The following EXOC6 variants were observed in gnomAD, a reference collection of about 807,000 sequenced individuals.
The protein encoded by EXOC6 is SEC15-like 1.
Under a neutral mutation model 112.5 loss-of-function variants are expected in EXOC6, and 60 were observed. The observed-to-expected ratio is 0.53, with a 90% CI of 0.43 to 0.66. EXOC6 has a LOEUF of 0.66. Among genes scored for constraint, EXOC6 ranks in the 30% least tolerant of loss-of-function variants. The probability of loss-of-function intolerance (pLI) is 0.00; values close to 1 mark genes in which losing one functional copy is unlikely to be tolerated. For missense variants in EXOC6, 855 were observed against 957.1 expected, an observed-to-expected ratio of 0.89 and a Z score of 1.41; for synonymous variants, 295 against 308.0, an observed-to-expected ratio of 0.96 and a Z score of 0.44.
Position 92,894,827 on chromosome 10 carries a change from G to A in EXOC6, c.307G>A (p.Asp103Asn). 6.2e-7 allele frequency: 1 copy of A among 1,613,542 alleles called. No homozygotes were observed. Among genetic ancestry groups the A allele is most frequent in the Non-Finnish European group, 8.5e-7 (1 of 1,179,686 alleles). The change falls in exon 3 of 22, where the codon GAT (aspartate) becomes AAT (asparagine). Residue 103 changes from aspartate (D) to asparagine (N), a missense_variant. Asp to Asn is a conservative substitution (Grantham distance 23, BLOSUM62 1). Coordinates refer to ENST00000260762, the MANE Select transcript of EXOC6 (RefSeq NM_019053.6). ...QVTDTNRRFQ[D>N]AGKEVIVHTE... ...TACTGATACCAACCGAAGGTTTCAA[G>A]ATGCTGGAAAAGAGGTGAGAAAATG...
intron 17 of EXOC6, among the ~76,000 whole-genome samples, chr10:92,970,606 T>G (rs1842257130): frequency 6.6e-6 from 1 of 152,192 alleles, no homozygotes; most frequent in Non-Finnish European, 1.5e-5. Flanking sequence ...AACATTAACT[T>G]AAATATCTGT....
intron 19 of EXOC6, among the ~76,000 whole-genome samples, chr10:93,002,856 A>C (rs1335133889): frequency 2.0e-5 from 3 of 152,212 alleles, no homozygotes; most frequent in Non-Finnish European, 4.4e-5. Context: ...ATTGACTCAT[A>C]GTGATCACTT....
intron 5 of EXOC6, among the ~76,000 whole-genome samples, chr10:92,903,022 G>A (rs1850258484): frequency 1.3e-5 from 2 of 151,842 alleles, no homozygotes; most frequent in Admixed American, 1.3e-4. Flanking sequence ...TTTTTTATAG[G>A]GATATGTTTA....
chr10:92,854,010 A>G (rs76577169), intron 1 of EXOC6, among the ~76,000 whole-genome samples: 1 of 148,624 alleles, frequency 6.7e-6, no homozygotes, highest in African/African-American at 2.4e-5. Context: ...CCTGTCTCAA[A>G]AAAAAAAAAA....
chr10:92,928,295 T>C (rs764125584), intron 8 of EXOC6, 44 bp from the exon 9 acceptor site: 11 of 1,049,700 alleles, frequency 1.0e-5, no homozygotes, highest in Non-Finnish European at 1.6e-5. Context: ...TAGTTGTATG[T>C]GTGTGTATGT....
At chr10:92,863,858 T>G (rs1336897869) in intron 1 of EXOC6, among the ~76,000 whole-genome samples, 1 of 144,692 alleles carries the variant, frequency 6.9e-6, no homozygotes, top group African/African-American at 2.6e-5. Context: ...GAGCTTGCAG[T>G]GAGTCTATAT....
At chr10:92,895,301 C>CT (rs67921640) in intron 4 of EXOC6, among the ~76,000 whole-genome samples, 31,358 of 152,032 alleles carry the variant, frequency 0.21, 3,887 homozygotes, top group East Asian at 0.61. Context: ...CCCCATAACC[C>CT]TTTTTTGTTT....
chr10:92,915,720 GT>G, intron 6 of EXOC6, 37 bp from the exon 7 acceptor site: 1 of 1,446,166 alleles, frequency 6.9e-7, no homozygotes, highest in Non-Finnish European at 9.1e-7. Context: ...ACCATAATCA[GT>G]TTTGAAATAA....
At chr10:92,860,661 A>G (rs1847870237) in intron 1 of EXOC6, among the ~76,000 whole-genome samples, 1 of 152,122 alleles carries the variant, frequency 6.6e-6, no homozygotes, top group Non-Finnish European at 1.5e-5. Context: ...TTTACTTTCT[A>G]TCTCTATGAC....
chr10:92,868,387 G>C (rs1245350843), intron 1 of EXOC6, among the ~76,000 whole-genome samples: 1 of 152,126 alleles, frequency 6.6e-6, no homozygotes, highest in Non-Finnish European at 1.5e-5. Context: ...CAGTGATACT[G>C]TATGTGGGTT....
rs563170902 is a variant in EXOC6 at position 92,850,834 on chromosome 10, T to C, written c.101+2200T>C. On this transcript the variant is annotated intron_variant, in intron 1 of 21. Transcript: ENST00000260762. ...TTATCATTTTATTTATATTGTTTTT[T>C]CTCAGCGGCGGGATTTTTCAGCCTG... Among the ~76,000 whole-genome samples the C allele has an allele frequency of 6.6e-5, 10 of 152,334 alleles. No homozygotes were observed. The East Asian group carries it at 1.9e-3, about 29-fold the overall frequency.
chr10:93,050,317 G>A (rs954007782), intron 20 of EXOC6, among the ~76,000 whole-genome samples: 12 of 151,618 alleles, frequency 7.9e-5, no homozygotes, highest in Admixed American at 1.3e-4. Flanking sequence ...TTGGGAGGCC[G>A]AGGTGGGTGG....
intron 18 of EXOC6, among the ~76,000 whole-genome samples, chr10:92,993,451 C>G (rs1843351931): frequency 6.6e-6 from 1 of 152,104 alleles, no homozygotes; most frequent in Non-Finnish European, 1.5e-5. Flanking sequence ...CAAATAATTA[C>G]TGTTGAAATC....
At chr10:92,941,330 A>G (rs1228034985) in intron 13 of EXOC6, among the ~76,000 whole-genome samples, 1 of 152,164 alleles carries the variant, frequency 6.6e-6, no homozygotes, top group Non-Finnish European at 1.5e-5. Flanking sequence ...TCATCTGTTG[A>G]TGGACATTTA....
intron 20 of EXOC6, among the ~76,000 whole-genome samples, chr10:93,052,750 T>C (rs571367928): frequency 6.6e-6 from 1 of 152,358 alleles, no homozygotes; most frequent in South Asian, 2.1e-4. Flanking sequence ...TTTATAAAGC[T>C]TAATACCAAT....
chr10:92,937,511 T>C (rs1024424113), intron 12 of EXOC6, among the ~76,000 whole-genome samples: 7 of 152,180 alleles, frequency 4.6e-5, no homozygotes, highest in African/African-American at 1.7e-4. Context: ...ACTTTATTCT[T>C]AAACCTAAAG....
At chr10:92,938,357 A>G (rs1852470046) in intron 12 of EXOC6, among the ~76,000 whole-genome samples, 1 of 152,108 alleles carries the variant, frequency 6.6e-6, no homozygotes, top group African/African-American at 2.4e-5. Flanking sequence ...CAGACTGAGT[A>G]TTAGGTCTAT....
chr10:92,968,969 G>A (rs1842179786), intron 17 of EXOC6, among the ~76,000 whole-genome samples: 1 of 151,986 alleles, frequency 6.6e-6, no homozygotes, highest in South Asian at 2.1e-4. Context: ...TTATTAGCAG[G>A]AATGGATTTT....
At chr10:93,002,807 A>G (rs767425227) in intron 19 of EXOC6, among the ~76,000 whole-genome samples, 7 of 152,198 alleles carry the variant, frequency 4.6e-5, no homozygotes, top group Non-Finnish European at 7.3e-5. Flanking sequence ...ACCCTTTCAA[A>G]TAAGAAAATG....
Sources: allele counts gnomAD v4.1 joint callset (sites outside exome capture counted in the v4.1 genomes callset), GRCh38; gene constraint gnomAD v4.1.1; transcripts MANE v1.5; gene names NCBI Gene and HGNC (gene_info 2026-07-23, HGNC 2026-07-21).